PHF21B: variants seen among roughly 807,000 people sequenced by gnomAD.
The protein encoded by PHF21B is PHD finger protein 21B.
Under a neutral mutation model 62.2 loss-of-function variants are expected in PHF21B, and 22 were observed. That is an observed-to-expected ratio of 0.35 (90% confidence interval 0.25 to 0.51). The LOEUF is 0.51. Among genes scored for constraint, PHF21B ranks in the 20% least tolerant of loss-of-function variants. The pLI is 0.97. For missense variants in PHF21B, 701 were observed against 707.9 expected (o/e 0.99, Z 0.11); for synonymous variants, 341 against 314.7 (o/e 1.08, Z -0.88).
chr22:44,985,885 GCAC>G lies in PHF21B; in HGVS notation c.120+22657_120+22659del, dbSNP rs977198253. On this transcript the variant is annotated intron_variant, in intron 2 of 12. Transcript: ENST00000313237. ...ACCATCACCACCACCATCACCAGCA[GCAC>G]CACCACCATCACCATGAGCACCACC... 1.2e-4 allele frequency among the ~76,000 whole-genome samples: 17 copies of G among 144,166 alleles called. No individual in the cohort carries two copies. The South Asian group carries it at 3.3e-3, about 28-fold the overall frequency. 94.6% of individuals were successfully genotyped at this position (144,166 alleles called of 152,430 possible).
At chr22:44,937,342 G>A (rs1601618995) in intron 2 of PHF21B, among the ~76,000 whole-genome samples, 1 of 152,322 alleles carries the variant, frequency 6.6e-6, no homozygotes, top group Middle Eastern at 3.4e-3. Context: ...GGCAGAGACG[G>A]AGACATCACA....
chr22:44,930,875 C>T (rs1262999770), intron 2 of PHF21B, among the ~76,000 whole-genome samples: 1 of 152,244 alleles, frequency 6.6e-6, no homozygotes, highest in African/African-American at 2.4e-5. Context: ...CTGCCAGGAA[C>T]AGCTGTCCGG....
At chr22:45,004,443 G>A (rs2073277247) in intron 2 of PHF21B, among the ~76,000 whole-genome samples, 1 of 152,178 alleles carries the variant, frequency 6.6e-6, no homozygotes, top group South Asian at 2.1e-4. Context: ...AACCAGGGGT[G>A]AAACCGGGCT....
intron 10 of PHF21B, among the ~76,000 whole-genome samples, chr22:44,886,485 G>A (rs576839528): frequency 3.4e-5 from 5 of 149,178 alleles, no homozygotes; most frequent in Admixed American, 2.7e-4. Context: ...CCAGGAGTTC[G>A]AGATCAGCCT....
At chr22:44,968,413 G>A (rs1301554608) in intron 2 of PHF21B, among the ~76,000 whole-genome samples, 1 of 152,138 alleles carries the variant, frequency 6.6e-6, no homozygotes, top group African/African-American at 2.4e-5. Context: ...GGAGGCTGAG[G>A]TGGGCAGATC....
intron 2 of PHF21B, among the ~76,000 whole-genome samples, chr22:44,945,531 G>A (rs2072050349): frequency 6.6e-6 from 1 of 152,158 alleles, no homozygotes; most frequent in Admixed American, 6.5e-5. Context: ...CACAGCTGGG[G>A]CTTGTTTCCC....
intron 2 of PHF21B, among the ~76,000 whole-genome samples, chr22:44,924,696 A>G (rs1026359408): frequency 6.6e-6 from 1 of 152,256 alleles, no homozygotes; most frequent in African/African-American, 2.4e-5. Flanking sequence ...CTCCAGAACC[A>G]TAAGAAACTG....
chr22:44,893,561 T>A (rs1826087573), intron 6 of PHF21B, 28 bp from the exon 7 acceptor site: 1 of 1,576,668 alleles, frequency 6.3e-7, no homozygotes, highest in African/African-American at 1.3e-5. Context: ...CAGCAGTTAC[T>A]GGGTCCTGCC....
chr22:44,896,812 C>G (rs74813018), intron 5 of PHF21B, among the ~76,000 whole-genome samples: 204 of 148,720 alleles, frequency 1.4e-3, no homozygotes, highest in African/African-American at 5.0e-3. Flanking sequence ...ATGACCATTT[C>G]TTTGACTTTG....
At chr22:44,980,298 G>A (rs759679334) in intron 2 of PHF21B, among the ~76,000 whole-genome samples, 9 of 151,878 alleles carry the variant, frequency 5.9e-5, no homozygotes, top group Non-Finnish European at 1.2e-4. Flanking sequence ...AGGGTCTCAG[G>A]TGTCTCTATC....
intron 2 of PHF21B, among the ~76,000 whole-genome samples, chr22:44,943,446 C>T (rs948836736): frequency 6.6e-6 from 1 of 152,168 alleles, no homozygotes; most frequent in Non-Finnish European, 1.5e-5. Flanking sequence ...TGTTTGGGAA[C>T]GATGAGCATG....
chr22:44,985,058 A>C (rs1411432006), intron 2 of PHF21B, among the ~76,000 whole-genome samples: 1 of 152,228 alleles, frequency 6.6e-6, no homozygotes, highest in Non-Finnish European at 1.5e-5. Flanking sequence ...TCCTCCAGGA[A>C]CACAAGGAAC....
intron 2 of PHF21B, among the ~76,000 whole-genome samples, chr22:44,980,372 T>C (rs953985472): frequency 2.0e-5 from 3 of 152,192 alleles, no homozygotes; most frequent in African/African-American, 7.2e-5. Flanking sequence ...TGTAGCGATG[T>C]GGACACACGG....
intron 5 of PHF21B, among the ~76,000 whole-genome samples, chr22:44,899,068 T>G (rs1265841229): frequency 3.9e-5 from 6 of 152,196 alleles, no homozygotes; most frequent in African/African-American, 9.7e-5. Context: ...CCGGGAGGAT[T>G]AGAATATCCC....
Position 45,004,759 on chromosome 22 carries a change from T to C in PHF21B, c.120+3786A>G, listed in dbSNP as rs563864143. On this transcript the variant is annotated intron_variant, in intron 2 of 12. Coordinates refer to ENST00000313237, the MANE Select transcript of PHF21B (RefSeq NM_138415.5). Reference sequence around the variant, plus strand: ...ATCCCCCATTGCTGGACACAGCTGGTAAGTCATGGTGAAGACACGTCTCAG... The same window carrying C: ...ATCCCCCATTGCTGGACACAGCTGGCAAGTCATGGTGAAGACACGTCTCAG... Among the ~76,000 whole-genome samples the C allele has an allele frequency of 5.9e-5, 9 of 152,308 alleles. No homozygotes were observed. In the South Asian group the frequency reaches 8.3e-4, roughly 14 times the overall value.
Position 45,009,146 on chromosome 22 carries a change from A to C in PHF21B, c.54+350T>G. 2 of 568,332 alleles carry C rather than the reference A, an allele frequency of 3.5e-6. No individual in the cohort carries two copies. The highest frequency in any genetic ancestry group is 4.8e-5 in the East Asian group (1 of 20,760). The allele number at this position is 568,332 out of a possible 1,614,324, so 35.2% of individuals were successfully genotyped here. A position where few individuals can be genotyped will look rare whatever the true frequency, so the allele number is the denominator to read the frequency against. On this transcript the variant is annotated intron_variant, in intron 1 of 12. Coordinates refer to ENST00000313237, the MANE Select transcript of PHF21B (RefSeq NM_138415.5). This position sits in a 1 kb window ranked among gnomAD's most constrained non-coding sequence, Gnocchi z 5.9. ...GCCCGGGGCGCGGGGGCCCGAGGGG[A>C]GGCCGGAAGGGGGCCTATTCGCACT...
At chr22:44,922,497 T>C (rs1399456904) in intron 2 of PHF21B, among the ~76,000 whole-genome samples, 2 of 152,306 alleles carry the variant, frequency 1.3e-5, no homozygotes, top group African/African-American at 4.8e-5. Context: ...CCAGGCGTGA[T>C]GGCACATGCC....
At chr22:44,901,556 A>G (rs2071159321) in intron 5 of PHF21B, 1 of 253,734 alleles carries the variant, frequency 3.9e-6, no homozygotes, top group Non-Finnish European at 7.5e-6. Flanking sequence ...TGAAACTTAA[A>G]AACTCATTAT....
At chr22:44,888,993 C>G (rs1181694591) in intron 9 of PHF21B, among the ~76,000 whole-genome samples, 2 of 152,204 alleles carry the variant, frequency 1.3e-5, no homozygotes, top group African/African-American at 4.8e-5. Flanking sequence ...TGGATGGGCA[C>G]AAGATGTTTG....
Sources: gnomAD v4.1 joint callset for allele counts (sites outside exome capture counted in the v4.1 genomes callset) on GRCh38, gnomAD v4.1.1 for gene constraint, Gnocchi (gnomAD v3.1) non-coding constraint, MANE v1.5 for transcripts, NCBI Gene and HGNC (gene_info 2026-07-23, HGNC 2026-07-21) for gene names.